ZNF385D: variants seen among roughly 807,000 people sequenced by gnomAD.
ZNF385D encodes the protein zinc finger protein 659.
ZNF385D carries 15 observed loss-of-function variants against 35.8 expected under a neutral mutation model. The observed-to-expected ratio is 0.42, with a 90% CI of 0.28 to 0.64. The LOEUF is 0.64. Among genes scored for constraint, ZNF385D ranks in the 30% least tolerant of loss-of-function variants. The pLI is 0.23. For synonymous variants in ZNF385D, 212 were observed against 186.8 expected (o/e 1.13, Z -1.10); for missense variants, 474 against 494.6 (o/e 0.96, Z 0.39).
At chr3:22,280,947 T>C (rs1701707301) in intron 2 of ZNF385D, among the ~76,000 whole-genome samples, 1 of 152,102 alleles carries the variant, frequency 6.6e-6, no homozygotes, top group African/African-American at 2.4e-5. Flanking sequence ...GGTCTTCACC[T>C]CCTTTGTTAA....
intron 3 of ZNF385D, among the ~76,000 whole-genome samples, chr3:21,804,694 C>T (rs1457530500): frequency 6.6e-6 from 1 of 152,084 alleles, no homozygotes; most frequent in Admixed American, 6.5e-5. Flanking sequence ...GTATTATTTA[C>T]CTAATTTAAA....
At chr3:21,799,527 C>G (rs767131136) in intron 3 of ZNF385D, among the ~76,000 whole-genome samples, 5 of 152,042 alleles carry the variant, frequency 3.3e-5, no homozygotes, top group African/African-American at 1.2e-4. Context: ...TATATTTTCA[C>G]GTGATTTTTG....
intron 3 of ZNF385D, among the ~76,000 whole-genome samples, chr3:21,851,278 G>C (rs759895372): frequency 1.3e-5 from 2 of 151,964 alleles, no homozygotes; most frequent in African/African-American, 4.8e-5. Context: ...GCAACTACAG[G>C]CATACCTTGG....
At chr3:21,675,725 C>T (rs1216898237) in intron 1 of ZNF385D, among the ~76,000 whole-genome samples, 1 of 152,006 alleles carries the variant, frequency 6.6e-6, no homozygotes, top group African/African-American at 2.4e-5. Context: ...AGCATCTTGC[C>T]TCCACAAGTT....
intron 2 of ZNF385D, among the ~76,000 whole-genome samples, chr3:21,623,314 TA>T (rs1415673859): frequency 6.6e-6 from 1 of 152,156 alleles, no homozygotes; most frequent in Non-Finnish European, 1.5e-5. Flanking sequence ...ACACTTTTAT[TA>T]CACATTAATA....
chr3:22,275,782 C>T (rs1701396023), intron 2 of ZNF385D, among the ~76,000 whole-genome samples: 4 of 152,096 alleles, frequency 2.6e-5, no homozygotes, highest in Non-Finnish European at 5.9e-5. Flanking sequence ...TATGCATGTT[C>T]TTTAAAGGTT....
chr3:22,230,606 C>T (rs988511003), intron 2 of ZNF385D, among the ~76,000 whole-genome samples: 8 of 152,178 alleles, frequency 5.3e-5, no homozygotes, highest in Non-Finnish European at 1.0e-4. Flanking sequence ...TGGGGCCTCA[C>T]ATCAACCCCT....
intron 4 of ZNF385D, among the ~76,000 whole-genome samples, chr3:21,479,371 C>T (rs1201896080): frequency 6.6e-6 from 1 of 151,964 alleles, no homozygotes; most frequent in Non-Finnish European, 1.5e-5. Flanking sequence ...TTAATGATCT[C>T]TTATTTACAG....
chr3:22,333,105 C>G (rs1304428129), intron 2 of ZNF385D, among the ~76,000 whole-genome samples: 1 of 152,048 alleles, frequency 6.6e-6, no homozygotes, highest in African/African-American at 2.4e-5. Flanking sequence ...CAGTCCTTTT[C>G]TTTACAACAT....
At chr3:21,550,479 T>G (rs1249547388) in intron 3 of ZNF385D, among the ~76,000 whole-genome samples, 1 of 152,126 alleles carries the variant, frequency 6.6e-6, no homozygotes, top group Non-Finnish European at 1.5e-5. Context: ...TTCTAAAATG[T>G]GGAAAAATTA....
intron 3 of ZNF385D, among the ~76,000 whole-genome samples, chr3:21,919,442 C>A (rs976930397): frequency 1.1e-4 from 17 of 152,196 alleles, no homozygotes; most frequent in African/African-American, 3.9e-4. Context: ...AGTCACTGAA[C>A]TGTGCACTTA....
chr3:22,010,037 G>A (rs575113159), intron 3 of ZNF385D, among the ~76,000 whole-genome samples: 31 of 152,124 alleles, frequency 2.0e-4, no homozygotes, highest in Non-Finnish European at 3.7e-4. Flanking sequence ...CTTCTGAACT[G>A]TTATCAAAAT....
chr3:22,177,759 G>A (rs948009209), intron 2 of ZNF385D, among the ~76,000 whole-genome samples: 2 of 152,100 alleles, frequency 1.3e-5, no homozygotes, highest in Non-Finnish European at 2.9e-5. Context: ...ACAGTCCCTG[G>A]TGTGTGATGT....
chr3:21,766,383 G>A (rs1393060721), intron 3 of ZNF385D, among the ~76,000 whole-genome samples: 1 of 152,048 alleles, frequency 6.6e-6, no homozygotes, highest in East Asian at 1.9e-4. Context: ...ATGGGTACAG[G>A]ACATGGGCTT....
intron 3 of ZNF385D, among the ~76,000 whole-genome samples, chr3:22,131,528 T>C (rs1217269015): frequency 6.6e-6 from 1 of 151,924 alleles, no homozygotes. Flanking sequence ...AAATACCCAG[T>C]AGAGAATGAA....
chr3:22,133,080 A>G (rs1046295549), intron 3 of ZNF385D, among the ~76,000 whole-genome samples: 1 of 152,188 alleles, frequency 6.6e-6, no homozygotes, highest in African/African-American at 2.4e-5. Flanking sequence ...TTATTAAATG[A>G]AAGTGCAGCT....
intron 2 of ZNF385D, among the ~76,000 whole-genome samples, chr3:21,638,482 T>A (rs532608345): frequency 1.3e-5 from 2 of 152,184 alleles, no homozygotes; most frequent in African/African-American, 2.4e-5. Context: ...ATGTGCAGCA[T>A]CCACCTGAGC....
At chr3:21,943,228 C>T (rs568153) in intron 3 of ZNF385D, among the ~76,000 whole-genome samples, 39,435 of 151,268 alleles carry the variant, frequency 0.26, 5,821 homozygotes, top group Admixed American at 0.41. Context: ...TTTATAAAAG[C>T]GACTAGTAAA....
intron 3 of ZNF385D, among the ~76,000 whole-genome samples, chr3:21,786,383 G>C (rs2071690921): frequency 6.6e-6 from 1 of 152,154 alleles, no homozygotes; most frequent in South Asian, 2.1e-4. Context: ...CTTTAGGGAA[G>C]TCGGCATTTT....
Sources: allele counts gnomAD v4.1 joint callset (sites outside exome capture counted in the v4.1 genomes callset), GRCh38; gene constraint gnomAD v4.1.1; transcripts MANE v1.5; gene names NCBI Gene and HGNC (gene_info 2026-07-23, HGNC 2026-07-21).